Variants in LPA observed in about 807,000 individuals in gnomAD.
The protein encoded by LPA is apolipoprotein(a).
Under a neutral mutation model 197.9 loss-of-function variants are expected in LPA, and 199 were observed. The ratio of observed to expected loss-of-function variants is 1.01; its 90% CI spans 0.90 to 1.13. LPA has a LOEUF of 1.13. Among genes scored for constraint, LPA ranks in the 50% most tolerant of loss-of-function variants. The pLI is 0.00. For missense variants in LPA, 1,853 were observed against 1,785.8 expected (o/e 1.04, Z -0.68); for synonymous variants, 715 against 639.5 (o/e 1.12, Z -1.78).
chr6:160,576,791 T>G (rs1277994476), intron 28 of LPA, among the ~76,000 whole-genome samples: 1 of 149,970 alleles, frequency 6.7e-6, no homozygotes, highest in East Asian at 2.0e-4. Context: ...GAATTGAAAT[T>G]TAGAATGACA....
Position 160,599,566 on chromosome 6 carries a change from G to A in LPA, c.3221C>T (p.Thr1074Ile). 7 of 1,614,100 alleles carry A rather than the reference G, an allele frequency of 4.3e-6. No individual in the cohort carries two copies. The highest frequency in any genetic ancestry group is 5.9e-6 in the Non-Finnish European group (7 of 1,179,986). ...TGTCATAGATGACCAAGCTTGGCAA[G>A]TTCTTCCTGTGACAGTGGTGGAGTA... ...GTYSTTVTGRTCQAWSSMTPH... is the reference protein window; with the variant it reads ...GTYSTTVTGRICQAWSSMTPH... The change falls in exon 20 of 39, where the codon ACT becomes ATT. Residue 1074 changes from threonine (T) to isoleucine (I), a missense_variant. By Grantham distance (89) the Thr-to-Ile change is moderately conservative. Around this residue, in one of 3 missense-constraint regions of LPA, gnomAD observed 1,737 missense variants for 1,504.4 expected, o/e 1.15. Transcript: ENST00000316300.
In LPA at chr6:160,650,217, T is replaced by A. The variant is rs2115098461; in HGVS notation, c.209+121A>T. ...TGCTCAAAGTAATGTTTCTCAGACA[T>A]TTTGCCATGCATTCTATGTGTGAGA... On this transcript the variant is annotated intron_variant, in intron 2 of 38. Coordinates refer to ENST00000316300, the MANE Select transcript of LPA (RefSeq NM_005577.4). 3 of 914,096 alleles carry A rather than the reference T, an allele frequency of 3.3e-6. No homozygotes were observed. The South Asian group carries it at 4.0e-5, about 12-fold the overall frequency. 56.6% of individuals were successfully genotyped at this position (914,096 alleles called of 1,614,324 possible).
At chr6:160,578,806 T>G in intron 26 of LPA, 102 bp from the exon 27 acceptor site, 1 of 1,539,314 alleles carries the variant, frequency 6.5e-7, no homozygotes, top group East Asian at 2.3e-5. Context: ...ACAAGTGCCT[T>G]TGAAATATTC....
intron 28 of LPA, among the ~76,000 whole-genome samples, chr6:160,558,214 T>C (rs1043397345): frequency 2.6e-5 from 4 of 152,146 alleles, no homozygotes; most frequent in South Asian, 2.1e-4. Flanking sequence ...CCACTGCGCC[T>C]GGCCTTAGAT....
chr6:160,570,806 G>A (rs759096495), intron 28 of LPA, among the ~76,000 whole-genome samples: 7 of 152,008 alleles, frequency 4.6e-5, no homozygotes, highest in Admixed American at 6.6e-5. Flanking sequence ...TGAATCTGAC[G>A]ATTATGTGTC....
intron 38 of LPA, 21 bp from the exon 39 acceptor site, chr6:160,531,911 A>G (rs1428229724): frequency 6.2e-7 from 1 of 1,613,836 alleles, no homozygotes; most frequent in Admixed American, 1.7e-5. Context: ...GTAGGGGAAA[A>G]TTCATGTGAG....
At chr6:160,596,393 CT>C (rs572282171) in intron 20 of LPA, among the ~76,000 whole-genome samples, 4,816 of 143,142 alleles carry the variant, frequency 0.034, 169 homozygotes, top group African/African-American at 0.09. Flanking sequence ...CTCTTATTTG[CT>C]TTTTTTTTTT....
At chr6:160,611,749 G>A in intron 15 of LPA, 28 bp from the exon 16 acceptor site, 2 of 1,366,326 alleles carry the variant, frequency 1.5e-6, no homozygotes, top group Non-Finnish European at 2.0e-6. Context: ...GAAATAAACT[G>A]AGTATCTCTG....
chr6:160,593,398 C>A (rs1257306159), intron 22 of LPA, among the ~76,000 whole-genome samples: 2 of 152,164 alleles, frequency 1.3e-5, no homozygotes, highest in Non-Finnish European at 2.9e-5. Context: ...GCATGTGTAA[C>A]TCTTCAGAAT....
chr6:160,576,207 T>G (rs1295456667), intron 28 of LPA, among the ~76,000 whole-genome samples: 4 of 151,278 alleles, frequency 2.6e-5, no homozygotes, highest in Non-Finnish European at 4.4e-5. Flanking sequence ...TTTTCAGCGT[T>G]TGTGTACCTC....
rs1449613457 is a variant in LPA at position 160,654,065 on chromosome 6, T to A, written c.50-3568A>T. Among the ~76,000 whole-genome samples, 11 of 17,650 alleles carry A rather than the reference T, an allele frequency of 6.2e-4. 1 individual carries two copies. Among genetic ancestry groups the A allele is most frequent in the East Asian group, 2.6e-3 (2 of 784 alleles). 11.6% of individuals were successfully genotyped at this position (17,650 alleles called of 152,430 possible). On this transcript the variant is annotated intron_variant, in intron 1 of 38. Coordinates refer to ENST00000316300, the MANE Select transcript of LPA (RefSeq NM_005577.4). ...TATAATATATAATATATTATATATA[T>A]TATATATAATATATATTATATATAT...
chr6:160,552,112 C>T (rs1412319929), intron 30 of LPA, among the ~76,000 whole-genome samples: 3 of 152,120 alleles, frequency 2.0e-5, no homozygotes, highest in Non-Finnish European at 4.4e-5. Context: ...GGGTCTCACT[C>T]TGTTGCTAAG....
intron 19 of LPA, among the ~76,000 whole-genome samples, chr6:160,600,271 T>A (rs1239505383): frequency 2.0e-5 from 3 of 152,070 alleles, no homozygotes; most frequent in Non-Finnish European, 1.5e-5. Flanking sequence ...TGCATTGCAA[T>A]AAAGCAAAAG....
rs527981869 is a variant in LPA at position 160,634,912 on chromosome 6, G to A, written c.1075+211C>T. Among the ~76,000 whole-genome samples the A allele has an allele frequency of 2.7e-5, 4 of 150,256 alleles. No homozygotes were observed. In the South Asian group the frequency reaches 8.3e-4, roughly 31 times the overall value. ...AAGCCCATCACCCTGGAAGGTTTGT[G>A]CCCATTCTAAAGACAAAGCCCACCC... On this transcript the variant is annotated intron_variant, in intron 7 of 38. Coordinates refer to ENST00000316300, the MANE Select transcript of LPA (RefSeq NM_005577.4).
chr6:160,589,766 T>G (rs1452118129), intron 23 of LPA, 54 bp from the exon 24 acceptor site: 19 of 1,603,006 alleles, frequency 1.2e-5, no homozygotes, highest in Non-Finnish European at 1.6e-5. Context: ...CACAGAAGCA[T>G]GAGAAAAAAA....
chr6:160,545,417 T>C, intron 33 of LPA, 23 bp downstream of exon 33: 2 of 1,509,870 alleles, frequency 1.3e-6, no homozygotes, highest in Non-Finnish European at 1.8e-6. Context: ...GCAGTTTCCT[T>C]ACCAAAACAG....
At chr6:160,634,110 G>A (rs1303889186) in intron 7 of LPA, among the ~76,000 whole-genome samples, 198 bp from the exon 8 acceptor site, 1 of 131,188 alleles carries the variant, frequency 7.6e-6, no homozygotes, top group South Asian at 2.4e-4. Context: ...TAGAACTGTA[G>A]TAAGTTCTAG....
At chr6:160,587,801 T>TTTCTG (rs1554236085) in intron 24 of LPA, among the ~76,000 whole-genome samples, 1,952 of 79,424 alleles carry the variant, frequency 0.025, 21 homozygotes, top group African/African-American at 0.045. Context: ...GTGTGTGTGT[T>TTTCTG]TCTGTCTGTT....
intron 2 of LPA, among the ~76,000 whole-genome samples, 190 bp downstream of exon 2, chr6:160,650,148 C>T (rs889770910): frequency 4.6e-5 from 7 of 152,310 alleles, no homozygotes; most frequent in Admixed American, 2.6e-4. Context: ...ATCAAACTCT[C>T]AGGAAAGAGA....
Sources: gnomAD v4.1 joint callset for allele counts (sites outside exome capture counted in the v4.1 genomes callset) on GRCh38, gnomAD v4.1.1 for gene constraint, gnomAD v4.1.1 regional missense constraint, MANE v1.5 for transcripts, NCBI Gene and HGNC (gene_info 2026-07-23, HGNC 2026-07-21) for gene names.